SEMA5A: variants seen among roughly 807,000 people sequenced by gnomAD.
SEMA5A encodes semaphorin 5A.
SEMA5A carries 55 observed loss-of-function variants against 135.5 expected under a neutral mutation model. The ratio of observed to expected loss-of-function variants is 0.41; its 90% CI spans 0.33 to 0.51. SEMA5A has a LOEUF of 0.51. SEMA5A is among the 20% of genes least tolerant of loss of function. The pLI is 0.37. For missense variants in SEMA5A, 1,290 were observed against 1,419.9 expected, an observed-to-expected ratio of 0.91 and a Z score of 1.47; for synonymous variants, 580 against 546.5, an observed-to-expected ratio of 1.06 and a Z score of -0.85.
intron 5 of SEMA5A, among the ~76,000 whole-genome samples, chr5:9,258,768 T>A (rs2150508414): frequency 6.6e-6 from 1 of 151,432 alleles, no homozygotes; most frequent in South Asian, 2.1e-4. Flanking sequence ...ACTACATAAT[T>A]ACTTCCACTA....
At chr5:9,350,385 C>G (rs1754061050) in intron 3 of SEMA5A, among the ~76,000 whole-genome samples, 1 of 152,148 alleles carries the variant, frequency 6.6e-6, no homozygotes, top group Non-Finnish European at 1.5e-5. Context: ...CAAGCATGTT[C>G]CAAGAGAGTG....
In SEMA5A at chr5:9,381,396, G is replaced by T. The variant is rs76132802; in HGVS notation, c.-77-1373C>A. ...CAGATTCGGGCATTCCTCCCATTGA[G>T]AGCTGGATCTATGTTCTCCACCTGG... is the stretch of plus-strand genomic sequence containing the variant. On this transcript the variant is annotated intron_variant, in intron 2 of 22. Transcript: ENST00000382496. 4.9e-3 allele frequency among the ~76,000 whole-genome samples: 743 copies of T among 152,302 alleles called. 7 individuals carry two copies. Among genetic ancestry groups the T allele is most frequent in the East Asian group, 0.039 (200 of 5,174 alleles).
rs748703578 is a variant in SEMA5A, at chr5:9,258,803, C to CTTTTTTTTTTTTTTTT, written c.271-20929_271-20914dup. ...ATTATTTGTCTTTTCTTCTTTCTTT[C>CTTTTTTTTTTTTTTTT]TTTTTTTTTTTTTTTTTTTTTTTTT... On this transcript the variant is annotated intron_variant, in intron 5 of 22. Coordinates refer to ENST00000382496, the MANE Select transcript of SEMA5A (RefSeq NM_003966.3). Among the ~76,000 whole-genome samples the CTTTTTTTTTTTTTTTT allele has an allele frequency of 8.4e-4, 41 of 48,980 alleles. 4 individuals are homozygous for CTTTTTTTTTTTTTTTT. Among genetic ancestry groups the CTTTTTTTTTTTTTTTT allele is most frequent in the South Asian group, 2.0e-3 (2 of 1,024 alleles). The allele number at this position is 48,980 out of a possible 152,430, so 32.1% of individuals were successfully genotyped here. A position where few individuals can be genotyped will look rare whatever the true frequency, so the allele number is the denominator to read the frequency against.
rs1468998678 is a variant in SEMA5A, at chr5:9,038,328, C to A, written c.*4569G>T. 3 of 152,078 alleles carry A rather than the reference C, an allele frequency of 2.0e-5. No individual in the cohort carries two copies. Among genetic ancestry groups the A allele is most frequent in the Non-Finnish European group, 4.4e-5 (3 of 68,020 alleles). The allele number at this position is 152,078 out of a possible 1,614,324, so 9.4% of individuals were successfully genotyped here. A position where few individuals can be genotyped will look rare whatever the true frequency, so the allele number is the denominator to read the frequency against. On this transcript the variant is annotated 3_prime_UTR_variant, in exon 23 of 23. Transcript: ENST00000382496. ...CTGTTAATTTTATCAACCATTAGTA[C>A]CTGTTGCCTCTGGTTCTGTGTTCCA... is the stretch of plus-strand genomic sequence containing the variant.
At chr5:9,103,655 T>C (rs975085835) in intron 16 of SEMA5A, among the ~76,000 whole-genome samples, 1 of 152,226 alleles carries the variant, frequency 6.6e-6, no homozygotes, top group African/African-American at 2.4e-5. Flanking sequence ...AAGTCTGCTG[T>C]TCTTTGTAAA....
At chr5:9,318,043 G>A (rs1365939770) in intron 5 of SEMA5A, among the ~76,000 whole-genome samples, 5 of 152,054 alleles carry the variant, frequency 3.3e-5, no homozygotes, top group African/African-American at 9.7e-5. Context: ...CTAAATAATC[G>A]ATGATTGCTG....
intron 1 of SEMA5A, among the ~76,000 whole-genome samples, chr5:9,466,610 A>T (rs913860845): frequency 2.6e-5 from 4 of 152,246 alleles, no homozygotes; most frequent in Admixed American, 2.6e-4. Flanking sequence ...TCGTGTATTT[A>T]CAGACAAAGA....
At chr5:9,190,246 A>G in intron 11 of SEMA5A, 21 bp downstream of exon 11, 2 of 1,611,306 alleles carry the variant, frequency 1.2e-6, no homozygotes, top group Non-Finnish European at 1.7e-6. Flanking sequence ...AAAACCCCTC[A>G]GAGGGGGCCA....
intron 1 of SEMA5A, among the ~76,000 whole-genome samples, chr5:9,537,095 TA>T (rs567836147): frequency 1.3e-4 from 20 of 151,962 alleles, no homozygotes; most frequent in Non-Finnish European, 1.8e-4. Context: ...TAGAAATCAT[TA>T]AAAAAAATGG....
In SEMA5A at chr5:9,044,440, G is replaced by A. The variant is rs772658212; in HGVS notation, c.3038C>T (p.Pro1013Leu). Residue 1013 changes from proline (P) to leucine (L), a missense_variant, in exon 22 of 23, where the codon CCC (proline) becomes CTC (leucine). Physicochemically the swap from Pro to Leu is moderately conservative, Grantham distance 98 (BLOSUM62 -3). Around this residue, in one of 3 missense-constraint regions of SEMA5A, gnomAD observed 1,029 missense variants for 1,086.6 expected, o/e 0.95. Transcript: ENST00000382496. ...GTGGTTGGTTATGCTGGTATTAAGGGGGGCAGGTGAGACGGGGTGGATGAC... is the reference window on the plus strand; with the variant it reads ...GTGGTTGGTTATGCTGGTATTAAGGAGGGCAGGTGAGACGGGGTGGATGAC... ...ATVIHPVSPA[P>L]LNTSITNHIN... 2.5e-6 allele frequency: 4 copies of A among 1,613,966 alleles called. No individual in the cohort carries two copies. The African/African-American group carries it at 4.0e-5, about 16-fold the overall frequency.
chr5:9,534,068 G>A (rs1471585017), intron 1 of SEMA5A, among the ~76,000 whole-genome samples: 1 of 152,160 alleles, frequency 6.6e-6, no homozygotes, highest in African/African-American at 2.4e-5. Flanking sequence ...TCCCTAACCT[G>A]CTTTTGATTA....
intron 21 of SEMA5A, among the ~76,000 whole-genome samples, chr5:9,048,416 A>AAAAGT (rs1561100038): frequency 6.6e-6 from 1 of 152,192 alleles, no homozygotes; most frequent in Non-Finnish European, 1.5e-5. Flanking sequence ...AAAATCTCTG[A>AAAAGT]AAAGTAATGC....
chr5:9,485,830 A>G (rs1734679711), intron 1 of SEMA5A, among the ~76,000 whole-genome samples: 1 of 152,244 alleles, frequency 6.6e-6, no homozygotes, highest in African/African-American at 2.4e-5. Flanking sequence ...TGAAGAGCAG[A>G]CACATGCAGA....
intron 6 of SEMA5A, among the ~76,000 whole-genome samples, chr5:9,231,311 A>G (rs1051691032): frequency 3.9e-5 from 6 of 152,062 alleles, no homozygotes; most frequent in African/African-American, 1.4e-4. Context: ...TAAAAATACA[A>G]AAGTTAGCCA....
At chr5:9,241,921 A>G (rs1748218780) in intron 5 of SEMA5A, among the ~76,000 whole-genome samples, 1 of 152,238 alleles carries the variant, frequency 6.6e-6, no homozygotes, top group African/African-American at 2.4e-5. Flanking sequence ...CATTCTAGGC[A>G]AATGGGCTAC....
At chr5:9,256,587 C>A (rs915851108) in intron 5 of SEMA5A, among the ~76,000 whole-genome samples, 3 of 152,216 alleles carry the variant, frequency 2.0e-5, no homozygotes, top group African/African-American at 7.2e-5. Flanking sequence ...CTTGGCAGCA[C>A]ACTTACCAGT....
chr5:9,085,329 C>A (rs1738618993), intron 16 of SEMA5A, among the ~76,000 whole-genome samples: 2 of 152,176 alleles, frequency 1.3e-5, no homozygotes, highest in Non-Finnish European at 1.5e-5. Flanking sequence ...CAGAGGTCTT[C>A]ACGGCAGCCC....
chr5:9,052,659 C>T (rs1197269815), intron 19 of SEMA5A, among the ~76,000 whole-genome samples: 1 of 152,008 alleles, frequency 6.6e-6, no homozygotes, highest in African/African-American at 2.4e-5. Flanking sequence ...GAGATAAGGT[C>T]AATGCACAAG....
At chr5:9,081,897 C>T (rs1738408403) in intron 16 of SEMA5A, among the ~76,000 whole-genome samples, 1 of 152,152 alleles carries the variant, frequency 6.6e-6, no homozygotes, top group Non-Finnish European at 1.5e-5. Flanking sequence ...TGTTCTATTC[C>T]TTCCAGGGAA....
Sources: gnomAD v4.1 joint callset for allele counts (sites outside exome capture counted in the v4.1 genomes callset) on GRCh38, gnomAD v4.1.1 for gene constraint, gnomAD v4.1.1 regional missense constraint, MANE v1.5 for transcripts, NCBI Gene and HGNC (gene_info 2026-07-23, HGNC 2026-07-21) for gene names.